The following MFAP1 variants were observed in gnomAD, a reference collection of about 807,000 sequenced individuals.
MFAP1 encodes microfibrillar-associated protein 1.
Under a neutral mutation model 62.2 loss-of-function variants are expected in MFAP1, and 18 were observed. The observed-to-expected ratio is 0.29, with a 90% CI of 0.20 to 0.43. The LOEUF (loss-of-function observed/expected upper bound fraction) is 0.43. MFAP1 is among the 20% of genes least tolerant of loss of function. The pLI, the probability that MFAP1 is intolerant of heterozygous loss-of-function variation, is 1.00. For synonymous variants in MFAP1, 175 were observed against 180.4 expected, an observed-to-expected ratio of 0.97 and a Z score of 0.24; for missense variants, 355 against 559.7, an observed-to-expected ratio of 0.63 and a Z score of 3.69.
Position 43,809,708 on chromosome 15 carries a change from G to A in MFAP1, c.1047+47C>T, listed in dbSNP as rs776048092. On this transcript the variant is annotated intron_variant, in intron 7 of 8. Transcript: ENST00000267812. Reference sequence around the variant, plus strand: ...AAGAGAAAAATAATTCAAAGTTTCTGAGTTATTCCTACTGCCCAATTTTCT... The same window carrying A: ...AAGAGAAAAATAATTCAAAGTTTCTAAGTTATTCCTACTGCCCAATTTTCT... The A allele has an allele frequency of 1.1e-5, 17 of 1,590,050 alleles. 1 individual carries two copies. The highest frequency in any genetic ancestry group is 2.7e-5 in the African/African-American group (2 of 74,068).
At chr15:43,811,554 C>CTGGA (rs1326077791) in intron 6 of MFAP1, among the ~76,000 whole-genome samples, 1 of 148,732 alleles carries the variant, frequency 6.7e-6, no homozygotes, top group East Asian at 2.0e-4. Flanking sequence ...GTCACCTAGG[C>CTGGA]TGGAGTGCAG....
intron 1 of MFAP1, among the ~76,000 whole-genome samples, chr15:43,822,685 AG>A (rs974006758): frequency 6.6e-6 from 1 of 151,902 alleles, no homozygotes; most frequent in Admixed American, 6.6e-5. Context: ...TTGTTTTAAC[AG>A]ACAGGGTCTT....
At chr15:43,822,721 A>G (rs946065667) in intron 1 of MFAP1, among the ~76,000 whole-genome samples, 3 of 152,130 alleles carry the variant, frequency 2.0e-5, no homozygotes, top group Non-Finnish European at 4.4e-5. Flanking sequence ...GTTGGAGTGT[A>G]ATGGCACAAT....
intron 7 of MFAP1, among the ~76,000 whole-genome samples, chr15:43,806,694 G>A (rs1596054469): frequency 6.6e-6 from 1 of 152,094 alleles, no homozygotes; most frequent in East Asian, 1.9e-4. Flanking sequence ...CCAACATGGT[G>A]AAACTCTGTC....
At position 43,809,934 on chromosome 15, in the gene MFAP1, AT is replaced by A. The variant is rs1239924960; in HGVS notation, c.888-21del. 1 of 1,613,754 alleles carries A rather than the reference AT, an allele frequency of 6.2e-7. No individual in the cohort carries two copies. The highest frequency in any genetic ancestry group is 8.5e-7 in the Non-Finnish European group (1 of 1,179,778). On this transcript the variant is annotated intron_variant, in intron 6 of 8. Transcript: ENST00000267812. ...TCAAGCCTGTCCAGGGAGCAAAACA[AT>A]TTATTGGTACTGTTACAGCTTCAGA...
intron 7 of MFAP1, among the ~76,000 whole-genome samples, chr15:43,809,357 G>GGCAT (rs1359100097): frequency 6.7e-6 from 1 of 150,136 alleles, no homozygotes; most frequent in African/African-American, 2.5e-5. Flanking sequence ...AAAAAAGCCA[G>GGCAT]GCATGGTTGT....
chr15:43,805,203 G>T lies in MFAP1; in HGVS notation c.1211C>A (p.Ser404Ter). ...CTGGGCACTCTCTTGGCCCCAAGCT[G>T]AGTCAAAGGAGGTGGTATCTTGATC... ...LVDQDTTSFD[S>*]AWGQESAQNT... Residue 404 changes from serine to a stop codon, truncating the protein, a stop_gained, in exon 9 of 9, where the codon TCA (serine) becomes TAA (stop). Coordinates refer to ENST00000267812, the MANE Select transcript of MFAP1 (RefSeq NM_005926.3). LOFTEE classifies it high-confidence loss of function. 1 of 1,602,236 alleles carries T rather than the reference G, an allele frequency of 6.2e-7. No homozygotes were observed.
chr15:43,813,505 GGT>G, intron 4 of MFAP1, 148 bp from the exon 5 acceptor site: 4 of 524,948 alleles, frequency 7.6e-6, no homozygotes, highest in Non-Finnish European at 1.2e-5. Flanking sequence ...AGTCATCCCA[GGT>G]CTTTTTTTTT....
chr15:43,808,848 G>C (rs2087381398), intron 7 of MFAP1, among the ~76,000 whole-genome samples: 1 of 152,210 alleles, frequency 6.6e-6, no homozygotes, highest in Non-Finnish European at 1.5e-5. Context: ...AGTTTTTGGT[G>C]CAAACTGCTT....
rs1305122322 is a variant in MFAP1 at position 43,805,139 on chromosome 15, T to G, written c.1275A>C (p.Arg425=). The G allele has an allele frequency of 7.5e-6, 12 of 1,600,412 alleles. No individual in the cohort carries two copies. The highest frequency in any genetic ancestry group is 1.0e-5 in the Non-Finnish European group (12 of 1,168,490). ...KFFKQKAAGV[R]DVFERPSAKK... ...TGGCAGATGGCCGCTCAAATACATC[T>G]CGTACCCCAGCTGCCTTTTGTTTGA... is the stretch of plus-strand genomic sequence containing the variant. Residue 425 remains arginine (R), a synonymous_variant, in exon 9 of 9, where the codon CGA becomes CGC. Coordinates refer to ENST00000267812, the MANE Select transcript of MFAP1 (RefSeq NM_005926.3).
intron 1 of MFAP1, among the ~76,000 whole-genome samples, chr15:43,824,121 G>A (rs1302366753): frequency 6.6e-6 from 1 of 151,062 alleles, no homozygotes; most frequent in Non-Finnish European, 1.5e-5. Flanking sequence ...TATGTAATTA[G>A]TGATATTATA....
Position 43,813,302 on chromosome 15 carries a change from G to C in MFAP1, c.673C>G (p.Leu225Val). 6.2e-7 allele frequency: 1 copy of C among 1,612,306 alleles called. No homozygotes were observed. Among genetic ancestry groups the C allele is most frequent in the Non-Finnish European group, 8.5e-7 (1 of 1,179,614 alleles). Residue 225 changes from leucine to valine, a missense_variant, in exon 5 of 9, where the codon CTG becomes GTG. Transcript: ENST00000267812. Reference protein sequence around the residue: ...REAEALKQKELEQEAKRMAEE... With the variant: ...REAEALKQKEVEQEAKRMAEE... ...GCCATGCGTTTTGCTTCCTGCTCCA[G>C]CTCCTTCTGTTTCAATGCTTCGGCT...
At chr15:43,809,122 T>C (rs115362284) in intron 7 of MFAP1, among the ~76,000 whole-genome samples, 1,878 of 152,248 alleles carry the variant, frequency 0.012, 35 homozygotes, top group African/African-American at 0.043. Flanking sequence ...ATGACAACTA[T>C]GTCATGTGGA....
Position 43,813,233 on chromosome 15 carries a change from A to C in MFAP1, c.726+16T>G, listed in dbSNP as rs757760290. The C allele has an allele frequency of 6.2e-6, 10 of 1,614,044 alleles. No homozygotes were observed. In the South Asian group the frequency reaches 1.1e-4, roughly 18 times the overall value. On this transcript the variant is annotated intron_variant, in intron 5 of 8. Coordinates refer to ENST00000267812, the MANE Select transcript of MFAP1 (RefSeq NM_005926.3). The stretch of plus-strand genomic sequence containing the variant: ...ACTATTTCTTGTACTCATTCCTTGC[A>C]ACCACTCCCCAGTACCTTGAGTGTG...
intron 1 of MFAP1, among the ~76,000 whole-genome samples, chr15:43,821,451 G>A (rs988637712): frequency 6.6e-6 from 1 of 151,994 alleles, no homozygotes; most frequent in African/African-American, 2.4e-5. Context: ...TGATGGGGGC[G>A]GGGAAGGAGG....
At chr15:43,823,078 C>A (rs887052417) in intron 1 of MFAP1, among the ~76,000 whole-genome samples, 4 of 151,876 alleles carry the variant, frequency 2.6e-5, no homozygotes, top group African/African-American at 9.7e-5. Flanking sequence ...CTCAGGTGAT[C>A]CACCAGCCTC....
chr15:43,819,522 CTATTTATT>C (rs765639399), intron 1 of MFAP1, among the ~76,000 whole-genome samples: 1 of 151,920 alleles, frequency 6.6e-6, no homozygotes, highest in Non-Finnish European at 1.5e-5. Flanking sequence ...TAGAAACATT[CTATTTATT>C]TATTTATTTA....
In MFAP1 at chr15:43,817,368, C is replaced by T. The variant is rs1445868446; in HGVS notation, c.160G>A (p.Asp54Asn). Reference sequence around the variant, plus strand: ...AACTGAAATTCTTCATCCTCCTCATCTGAGGACTCCATAGGGGCATAGTCT... The same window carrying T: ...AACTGAAATTCTTCATCCTCCTCATTTGAGGACTCCATAGGGGCATAGTCT... ...RPDYAPMESS[D>N]EEDEEFQFIK... Residue 54 changes from aspartate (D) to asparagine (N), a missense_variant, in exon 2 of 9, where the codon GAT (aspartate) becomes AAT (asparagine). Asp to Asn is a conservative substitution (Grantham distance 23). Transcript: ENST00000267812. The T allele has an allele frequency of 6.2e-7, 1 of 1,614,164 alleles. No homozygotes were observed. The highest frequency in any genetic ancestry group is 2.2e-5 in the East Asian group (1 of 44,880).
chr15:43,814,204 C>T (rs925056219), intron 4 of MFAP1, among the ~76,000 whole-genome samples: 1 of 152,170 alleles, frequency 6.6e-6, no homozygotes, highest in South Asian at 2.1e-4. Flanking sequence ...GAGCCGAGAT[C>T]ATGCCATTGC....
Sources: gnomAD v4.1 joint callset for allele counts (sites outside exome capture counted in the v4.1 genomes callset) on GRCh38, gnomAD v4.1.1 for gene constraint, MANE v1.5 for transcripts, NCBI Gene and HGNC (gene_info 2026-07-23, HGNC 2026-07-21) for gene names.